ARB2A: variants seen among roughly 807,000 people sequenced by gnomAD.
The protein encoded by ARB2A is cotranscriptional regulator ARB2A.
the ARB2A span, among the ~76,000 whole-genome samples, chr5:94,062,272 A>G: frequency 2.0e-5 from 3 of 152,308 alleles, no homozygotes; most frequent in African/African-American, 7.2e-5. Context: ...ACTCAAAATG[A>G]GGGGGAGGTG....
chr5:94,019,461 T>C, the ARB2A span, among the ~76,000 whole-genome samples: 2 of 151,864 alleles, frequency 1.3e-5, no homozygotes, highest in East Asian at 3.9e-4. Context: ...AACAACCCCA[T>C]CAAAAAGTGG....
chr5:94,086,557 T>C, the ARB2A span, among the ~76,000 whole-genome samples: 3 of 152,046 alleles, frequency 2.0e-5, no homozygotes, highest in Non-Finnish European at 2.9e-5. Context: ...ATGTGTTTGG[T>C]TTTTGTTTTT....
At chr5:93,694,619 T>G in the ARB2A span, among the ~76,000 whole-genome samples, 4 of 152,344 alleles carry the variant, frequency 2.6e-5, no homozygotes, top group East Asian at 5.8e-4. Context: ...CTGCCCAAAG[T>G]AATTTATAGA....
chr5:93,854,451 T>A, the ARB2A span, among the ~76,000 whole-genome samples: 1 of 152,174 alleles, frequency 6.6e-6, no homozygotes, highest in African/African-American at 2.4e-5. Flanking sequence ...GTGTCTCTAT[T>A]TCCTTCAGTT....
chr5:93,718,770 T>C, the ARB2A span, among the ~76,000 whole-genome samples: 1 of 152,226 alleles, frequency 6.6e-6, no homozygotes, highest in Non-Finnish European at 1.5e-5. Context: ...AACATGTTAC[T>C]GATTTTTGGC....
chr5:93,825,576 T>C, the ARB2A span, among the ~76,000 whole-genome samples: 2 of 152,226 alleles, frequency 1.3e-5, no homozygotes, highest in Admixed American at 6.5e-5. Flanking sequence ...TGATGTCCTG[T>C]ATTTCTTAGT....
At chr5:93,790,721 C>T in the ARB2A span, among the ~76,000 whole-genome samples, 1 of 152,098 alleles carries the variant, frequency 6.6e-6, no homozygotes, top group African/African-American at 2.4e-5. Context: ...CCCTTTACCA[C>T]CTTGTTTTCT....
At chr5:93,633,901 G>A in the ARB2A span, among the ~76,000 whole-genome samples, 1 of 151,958 alleles carries the variant, frequency 6.6e-6, no homozygotes, top group South Asian at 2.1e-4. Context: ...TGCCTCCAAG[G>A]CTCAAGAAAT....
the ARB2A span, among the ~76,000 whole-genome samples, chr5:93,709,638 A>C: frequency 6.9e-6 from 1 of 145,550 alleles, no homozygotes; most frequent in African/African-American, 2.7e-5. Context: ...GTCACAAAAA[A>C]AAAAAAAAAA....
the ARB2A span, among the ~76,000 whole-genome samples, chr5:93,651,323 C>T: frequency 6.6e-6 from 1 of 151,738 alleles, no homozygotes; most frequent in African/African-American, 2.4e-5. Context: ...TTTGTAGAGA[C>T]AGGGGTTGCA....
the ARB2A span, among the ~76,000 whole-genome samples, chr5:93,954,590 G>A: frequency 6.6e-6 from 1 of 151,864 alleles, no homozygotes; most frequent in African/African-American, 2.4e-5. Flanking sequence ...GTGTTGCCTG[G>A]GTTGGGGGAG....
At chr5:93,626,430 T>C in the ARB2A span, among the ~76,000 whole-genome samples, 201 of 152,328 alleles carry the variant, frequency 1.3e-3, no homozygotes, top group African/African-American at 4.4e-3. Context: ...CATTCACTCT[T>C]ATAATTATTG....
At chr5:94,012,169 A>G in the ARB2A span, among the ~76,000 whole-genome samples, 516 of 152,292 alleles carry the variant, frequency 3.4e-3, 1 homozygote, top group African/African-American at 4.1e-3. Flanking sequence ...TTGGGAGGCC[A>G]AGGCGGGCAG....
chr5:93,856,401 C>T, the ARB2A span, among the ~76,000 whole-genome samples: 5 of 152,284 alleles, frequency 3.3e-5, no homozygotes, highest in East Asian at 1.9e-4. Context: ...CCATTCTCCC[C>T]GTCAGTTTCA....
the ARB2A span, among the ~76,000 whole-genome samples, chr5:93,819,122 C>T: frequency 4.6e-4 from 60 of 131,510 alleles, 1 homozygote; most frequent in East Asian, 9.8e-3. Flanking sequence ...GGAGGCGGAG[C>T]TTGCAGTGAG....
At chr5:93,651,137 CTCTT>C in the ARB2A span, among the ~76,000 whole-genome samples, 6 of 151,862 alleles carry the variant, frequency 4.0e-5, no homozygotes, top group Middle Eastern at 3.2e-3. Flanking sequence ...TGAAAGAACA[CTCTT>C]TTTTTTTTTT....
At chr5:94,066,722 C>T in the ARB2A span, among the ~76,000 whole-genome samples, 2 of 152,028 alleles carry the variant, frequency 1.3e-5, no homozygotes, top group Non-Finnish European at 2.9e-5. Flanking sequence ...AAGTTCAGGA[C>T]CATATGGCTT....
the ARB2A span, among the ~76,000 whole-genome samples, chr5:94,012,633 G>T: frequency 6.6e-6 from 1 of 152,096 alleles, no homozygotes; most frequent in African/African-American, 2.4e-5. Flanking sequence ...ATCAGGGAGC[G>T]ACTCAAGAGC....
At chr5:93,849,633 A>G in the ARB2A span, among the ~76,000 whole-genome samples, 1 of 152,284 alleles carries the variant, frequency 6.6e-6, no homozygotes, top group Non-Finnish European at 1.5e-5. Flanking sequence ...ATTGAGGAAT[A>G]TAATACTTTG....
Sources: allele counts gnomAD v4.1 joint callset (sites outside exome capture counted in the v4.1 genomes callset), GRCh38; gene constraint gnomAD v4.1.1; transcripts MANE v1.5; gene names NCBI Gene and HGNC (gene_info 2026-07-23, HGNC 2026-07-21).